The following DTWD1 variants were observed in gnomAD, a reference collection of about 807,000 sequenced individuals.
DTWD1 encodes the protein tRNA-uridine aminocarboxypropyltransferase 1.
DTWD1 carries 27 observed loss-of-function variants against 30.2 expected under a neutral mutation model. That is an observed-to-expected ratio of 0.90 (90% CI 0.66 to 1.23). DTWD1 has a LOEUF of 1.23. Among genes scored for constraint, DTWD1 ranks in the 50% most tolerant of loss-of-function variants. The pLI is 0.00. For missense variants in DTWD1, 342 were observed against 348.8 expected (o/e 0.98, Z 0.15); for synonymous variants, 99 against 113.1 (o/e 0.88, Z 0.79).
chr15:49,621,474 T>A (rs2078706330), intron 1 of DTWD1: 2 of 151,710 alleles, frequency 1.3e-5, no homozygotes, highest in South Asian at 4.2e-4. Context: ...GTATTTGGAG[T>A]GGTTTGTGGG....
chr15:49,625,565 A>G (rs2078831705), intron 2 of DTWD1, 134 bp downstream of exon 2: 1 of 978,974 alleles, frequency 1.0e-6, no homozygotes, highest in Non-Finnish European at 1.5e-6. Flanking sequence ...TGCTGCAAAG[A>G]AAAACTAGCA....
In DTWD1 at chr15:49,633,055, A is replaced by C. The variant is rs185462094; in HGVS notation, c.408+753A>C. 3.2e-3 allele frequency among the ~76,000 whole-genome samples: 449 copies of C among 139,732 alleles called. 2 individuals are homozygous for C. The highest frequency in any genetic ancestry group is 6.1e-3 in the East Asian group (31 of 5,088). 91.7% of individuals were successfully genotyped at this position (139,732 alleles called of 152,430 possible). A position where few individuals can be genotyped will look rare whatever the true frequency, so the allele number is the denominator to read the frequency against. On this transcript the variant is annotated intron_variant, in intron 3 of 4. Coordinates refer to ENST00000403028, the MANE Select transcript of DTWD1 (RefSeq NM_001144955.2). ...TTCCTATTTATATCTATATCTATAT[A>C]TATATATATATATATGTATTTTTTT... is the stretch of plus-strand genomic sequence containing the variant.
chr15:49,640,158 A>G (rs925244010), intron 4 of DTWD1, among the ~76,000 whole-genome samples: 2 of 152,006 alleles, frequency 1.3e-5, no homozygotes, highest in Non-Finnish European at 2.9e-5. Context: ...AGTGTTATAT[A>G]TATGTTTTCA....
At chr15:49,636,171 T>C (rs1191391977) in intron 4 of DTWD1, among the ~76,000 whole-genome samples, 1 of 152,190 alleles carries the variant, frequency 6.6e-6, no homozygotes, top group African/African-American at 2.4e-5. Flanking sequence ...TGTTGTAGCA[T>C]GTATCAATAG....
chr15:49,624,975 A>G lies in DTWD1; in HGVS notation c.-55-138A>G, dbSNP rs73406041. On this transcript the variant is annotated intron_variant, in intron 1 of 4. Transcript: ENST00000403028. ...TTAATCTTATGTTTTAAAGTGTGCCAATTTGGTGGTTTAAAACATGTTTAA... is the reference window on the plus strand; with the variant it reads ...TTAATCTTATGTTTTAAAGTGTGCCGATTTGGTGGTTTAAAACATGTTTAA... 454 of 549,778 alleles carry G rather than the reference A, an allele frequency of 8.3e-4. 1 individual carries two copies. The highest frequency in any genetic ancestry group is 7.6e-3 in the African/African-American group (398 of 52,542). 34.1% of individuals were successfully genotyped at this position (549,778 alleles called of 1,614,324 possible).
In DTWD1 at chr15:49,643,306, CTTTTTTTTTT is replaced by C. The variant is rs5812490; in HGVS notation, c.668-15_668-6del. ...ATTTATATTTTTTCTTTCTTTCTTT[CTTTTTTTTTT>C]TTTTTTTTTGACAGGGTTGTTACAA... On this transcript the variant is annotated splice_polypyrimidine_tract_variant and intron_variant, in intron 4 of 4. Coordinates refer to ENST00000403028, the MANE Select transcript of DTWD1 (RefSeq NM_001144955.2). 5.0e-6 allele frequency: 6 copies of C among 1,201,906 alleles called. No individual in the cohort carries two copies. The highest frequency in any genetic ancestry group is 3.4e-5 in the East Asian group (1 of 29,662). 74.5% of individuals were successfully genotyped at this position (1,201,906 alleles called of 1,614,324 possible).
chr15:49,627,827 T>A (rs2078864126), intron 2 of DTWD1, among the ~76,000 whole-genome samples: 1 of 152,192 alleles, frequency 6.6e-6, no homozygotes, highest in East Asian at 1.9e-4. Context: ...TGTGAGTGAA[T>A]GTGAAGGCCT....
intron 1 of DTWD1, chr15:49,623,758 T>C (rs1405365260): frequency 6.6e-6 from 1 of 152,282 alleles, no homozygotes; most frequent in East Asian, 1.9e-4. Flanking sequence ...CTTTCAGTCA[T>C]TGAGGGCATG....
Position 49,651,707 on chromosome 15 carries a change from C to T in DTWD1, c.*8129C>T, listed in dbSNP as rs1428952772. ...AATTTCCAGATAGGAGTTTGCTTTTCCTCTTTGCAGAGCCTCAGTCAGTAT... is the reference window on the plus strand; with the variant it reads ...AATTTCCAGATAGGAGTTTGCTTTTTCTCTTTGCAGAGCCTCAGTCAGTAT... On this transcript the variant is annotated 3_prime_UTR_variant, in exon 5 of 5. Transcript: ENST00000403028. 1 of 152,160 alleles carries T rather than the reference C, an allele frequency of 6.6e-6. No homozygotes were observed. Among genetic ancestry groups the T allele is most frequent in the Non-Finnish European group, 1.5e-5 (1 of 68,046 alleles). 9.4% of individuals were successfully genotyped at this position (152,160 alleles called of 1,614,324 possible).
intron 2 of DTWD1, among the ~76,000 whole-genome samples, chr15:49,631,476 C>T (rs567529336): frequency 6.6e-6 from 1 of 152,160 alleles, no homozygotes; most frequent in South Asian, 2.1e-4. Context: ...TTTAAAATAG[C>T]GTAAGAGGCC....
Position 49,621,061 on chromosome 15 carries a change from T to TGGCTCG in DTWD1, c.-107_-102dup, listed in dbSNP as rs2078685475. 6.6e-6 allele frequency: 1 copy of TGGCTCG among 152,550 alleles called. No individual in the cohort carries two copies. The highest frequency in any genetic ancestry group is 2.1e-4 in the South Asian group (1 of 4,844). The allele number at this position is 152,550 out of a possible 1,614,324, so 9.4% of individuals were successfully genotyped here. A position where few individuals can be genotyped will look rare whatever the true frequency, so the allele number is the denominator to read the frequency against. ...CCGTGCGCGATCACGGCCCGGCGCGTGGCTCGGGCTCGGGCGGAGCTGGAG... is the reference window on the plus strand; with the variant it reads ...CCGTGCGCGATCACGGCCCGGCGCGTGGCTCGGGCTCGGGCTCGGGCGGAGCTGGAG... On this transcript the variant is annotated 5_prime_UTR_variant, in exon 1 of 5. Coordinates refer to ENST00000403028, the MANE Select transcript of DTWD1 (RefSeq NM_001144955.2).
In DTWD1 at chr15:49,655,066, A is replaced by G. The variant is rs2079170905; in HGVS notation, c.*11488A>G. On this transcript the variant is annotated 3_prime_UTR_variant, in exon 5 of 5. Transcript: ENST00000403028. ...TTCTTGGAACCAAATTACTTCCCAA[A>G]GTCCTCACCTCCAAATCTAGCACAT... is the stretch of plus-strand genomic sequence containing the variant. 1.3e-5 allele frequency: 2 copies of G among 152,064 alleles called. No homozygotes were observed. Among genetic ancestry groups the G allele is most frequent in the Non-Finnish European group, 2.9e-5 (2 of 68,012 alleles). The allele number at this position is 152,064 out of a possible 1,614,324, so 9.4% of individuals were successfully genotyped here.
In DTWD1 at chr15:49,648,249, AT is replaced by A. The variant is rs1283874741; in HGVS notation, c.*4673del. The A allele has an allele frequency of 1.3e-5, 2 of 152,140 alleles. No individual in the cohort carries two copies. Among genetic ancestry groups the A allele is most frequent in the Non-Finnish European group, 2.9e-5 (2 of 68,024 alleles). The allele number at this position is 152,140 out of a possible 1,614,324, so 9.4% of individuals were successfully genotyped here. On this transcript the variant is annotated 3_prime_UTR_variant, in exon 5 of 5. Coordinates refer to ENST00000403028, the MANE Select transcript of DTWD1 (RefSeq NM_001144955.2). ...ATACACTGCATATCATCATCATGAC[AT>A]TGAGTTTCTAGCTGGATTGCAGAGA...
intron 4 of DTWD1, among the ~76,000 whole-genome samples, chr15:49,637,859 T>A (rs2079021258): frequency 1.3e-5 from 2 of 152,198 alleles, no homozygotes; most frequent in African/African-American, 4.8e-5. Context: ...CGAGCTTAAT[T>A]TATATAGTTT....
intron 2 of DTWD1, among the ~76,000 whole-genome samples, chr15:49,626,047 C>G (rs2078839998): frequency 6.6e-6 from 1 of 151,952 alleles, no homozygotes; most frequent in South Asian, 2.1e-4. Context: ...CACTAAACCT[C>G]TTTGTTTTTC....
intron 4 of DTWD1, among the ~76,000 whole-genome samples, chr15:49,638,049 T>C (rs916654812): frequency 2.6e-4 from 39 of 152,218 alleles, no homozygotes; most frequent in Admixed American, 2.6e-3. Flanking sequence ...AAGGCTGTGC[T>C]CTTTGAAAGA....
chr15:49,635,951 C>A (rs2078996108), intron 4 of DTWD1, among the ~76,000 whole-genome samples: 1 of 152,108 alleles, frequency 6.6e-6, no homozygotes, highest in South Asian at 2.1e-4. Flanking sequence ...AAAGTTTCTG[C>A]CTGACCTTTT....
intron 1 of DTWD1, among the ~76,000 whole-genome samples, chr15:49,624,323 A>G (rs1237589770): frequency 2.0e-5 from 3 of 152,212 alleles, no homozygotes; most frequent in African/African-American, 4.8e-5. Flanking sequence ...TATCGAATCA[A>G]TAGGGCACCA....
rs1180328023 is a variant in DTWD1, at chr15:49,652,205, A to T, written c.*8627A>T. On this transcript the variant is annotated 3_prime_UTR_variant, in exon 5 of 5. Coordinates refer to ENST00000403028, the MANE Select transcript of DTWD1 (RefSeq NM_001144955.2). ...TGAGAGGTCTTGGTCCCACAAGGGG[A>T]CACAGTTTTGCTGAGAGATATATAA... 4 of 152,098 alleles carry T rather than the reference A, an allele frequency of 2.6e-5. No homozygotes were observed. The highest frequency in any genetic ancestry group is 5.9e-5 in the Non-Finnish European group (4 of 68,018). 9.4% of individuals were successfully genotyped at this position (152,098 alleles called of 1,614,324 possible).
Sources: allele counts gnomAD v4.1 joint callset (sites outside exome capture counted in the v4.1 genomes callset), GRCh38; gene constraint gnomAD v4.1.1; transcripts MANE v1.5; gene names NCBI Gene and HGNC (gene_info 2026-07-23, HGNC 2026-07-21).